TRPC1: variants seen among roughly 807,000 people sequenced by gnomAD.
TRPC1 encodes transient receptor potential cation channel subfamily C member 1, also known as short transient receptor potential channel 1.
Under a neutral mutation model 88.2 loss-of-function variants are expected in TRPC1, and 42 were observed. That is an observed-to-expected ratio of 0.48 (90% CI 0.37 to 0.62). The LOEUF is 0.62. Among genes scored for constraint, TRPC1 ranks in the 20% least tolerant of loss-of-function variants. TRPC1 has a pLI of 0.00. For missense variants in TRPC1, 699 were observed against 957.3 expected (o/e 0.73, Z 3.56); for synonymous variants, 288 against 331.8 (o/e 0.87, Z 1.43).
chr3:142,792,714 T>C lies in TRPC1; in HGVS notation c.1438-110T>C, dbSNP rs952247254. On this transcript the variant is annotated intron_variant, in intron 8 of 12. Coordinates refer to ENST00000476941, the MANE Select transcript of TRPC1 (RefSeq NM_001251845.2). The surrounding 1 kb of genome is among the most constrained non-coding windows in gnomAD (Gnocchi z 4.0). The stretch of plus-strand genomic sequence containing the variant: ...CTATAAAACATAAGTGGAGATCCCC[T>C]ATAAGAAGACAAAATTAAAATGGCT... 2.7e-5 allele frequency: 30 copies of C among 1,102,978 alleles called. No homozygotes were observed. Among genetic ancestry groups the C allele is most frequent in the Non-Finnish European group, 3.3e-5 (27 of 812,322 alleles). The allele number at this position is 1,102,978 out of a possible 1,614,324, so 68.3% of individuals were successfully genotyped here.
chr3:142,776,705 C>T lies in TRPC1; in HGVS notation c.633-927C>T, dbSNP rs1256059794. ...GGATCACAAGGTCAGGAGATCGAGA[C>T]GATCCTGGCCAACATGGTGAAACCC... On this transcript the variant is annotated intron_variant, in intron 4 of 12. Coordinates refer to ENST00000476941, the MANE Select transcript of TRPC1 (RefSeq NM_001251845.2). This position sits in a 1 kb window ranked among gnomAD's most constrained non-coding sequence, Gnocchi z 4.1. Among the ~76,000 whole-genome samples the T allele has an allele frequency of 2.7e-5, 4 of 150,470 alleles. No homozygotes were observed. Among genetic ancestry groups the T allele is most frequent in the African/African-American group, 9.8e-5 (4 of 40,956 alleles).
In TRPC1 at chr3:142,724,568, G is replaced by A. The variant is rs529480473; in HGVS notation, c.9G>A (p.Ala3=). 2.1e-4 allele frequency: 324 copies of A among 1,575,606 alleles called. 8 individuals are homozygous for A. In the South Asian group the frequency reaches 3.2e-3, roughly 16 times the overall value. The change falls in exon 1 of 13, where the codon GCG becomes GCA. Residue 3 remains alanine, a synonymous_variant. Coordinates refer to ENST00000476941, the MANE Select transcript of TRPC1 (RefSeq NM_001251845.2). This position sits in a 1 kb window ranked among gnomAD's most constrained non-coding sequence, Gnocchi z 5.6. Reference sequence around the variant, plus strand: ...CCCCTTCATGGGCCGCGATGATGGCGGCCCTGTACCCGAGCACGGACCTCT... The same window carrying A: ...CCCCTTCATGGGCCGCGATGATGGCAGCCCTGTACCCGAGCACGGACCTCT... MM[A]ALYPSTDLSG...
chr3:142,762,986 TC>T (rs1009504963), intron 4 of TRPC1, among the ~76,000 whole-genome samples: 2 of 152,218 alleles, frequency 1.3e-5, no homozygotes, highest in African/African-American at 4.8e-5. Context: ...TTTTCCAAAT[TC>T]CTTTTATTAT....
rs1172515669 is a variant in TRPC1, at chr3:142,784,689, G to A, written c.961-15G>A. The A allele has an allele frequency of 1.9e-6, 3 of 1,596,398 alleles. No homozygotes were observed. Among genetic ancestry groups the A allele is most frequent in the African/African-American group, 1.3e-5 (1 of 74,168 alleles). ...TACTTTTTTTCTTTTTAATGTGTGTGTATGTCCTTTTCAGTTTGTCTCCCA... is the reference window on the plus strand; with the variant it reads ...TACTTTTTTTCTTTTTAATGTGTGTATATGTCCTTTTCAGTTTGTCTCCCA... On this transcript the variant is annotated splice_polypyrimidine_tract_variant and intron_variant, in intron 6 of 12. Transcript: ENST00000476941.
intron 2 of TRPC1, among the ~76,000 whole-genome samples, chr3:142,737,270 A>G (rs1467283177): frequency 6.7e-6 from 1 of 150,340 alleles, no homozygotes; most frequent in African/African-American, 2.4e-5. Context: ...ATCAGGAGAC[A>G]TTCACAGCAG....
At chr3:142,734,299 AAG>A (rs1286289381) in intron 1 of TRPC1, among the ~76,000 whole-genome samples, 6 of 152,212 alleles carry the variant, frequency 3.9e-5, no homozygotes, top group East Asian at 1.9e-4. Context: ...ATAAGAAAAT[AAG>A]AGAGTTGGAA....
At position 142,784,882 on chromosome 3, in the gene TRPC1, T is replaced by G. The variant is rs1936082705; in HGVS notation, c.1139T>G (p.Ile380Ser). 2 of 1,614,150 alleles carry G rather than the reference T, an allele frequency of 1.2e-6. No individual in the cohort carries two copies. The highest frequency in any genetic ancestry group is 1.7e-6 in the Non-Finnish European group (2 of 1,180,008). The change falls in exon 7 of 13, where the codon ATT (isoleucine) becomes AGT (serine). Residue 380 changes from isoleucine (I) to serine (S), a missense_variant. This residue lies in a region of TRPC1 where 426 missense variants were observed against 641.3 expected (regional missense o/e 0.66). Coordinates refer to ENST00000476941, the MANE Select transcript of TRPC1 (RefSeq NM_001251845.2). ...CCCAAATCTCAGTTTGGCAGAATCA[T>G]TCACACACCTTTTATGAAATTTATC... Reference protein sequence around the residue: ...IAPKSQFGRIIHTPFMKFIIH... With the variant: ...IAPKSQFGRISHTPFMKFIIH...
chr3:142,742,457 G>A (rs1049064002), intron 2 of TRPC1, among the ~76,000 whole-genome samples: 1 of 151,956 alleles, frequency 6.6e-6, no homozygotes, highest in East Asian at 1.9e-4. Context: ...TTTTTGAGGT[G>A]CATAGTCCTA....
chr3:142,794,772 C>T (rs1443544729), intron 9 of TRPC1, among the ~76,000 whole-genome samples: 1 of 152,092 alleles, frequency 6.6e-6, no homozygotes. Flanking sequence ...GAAGAATACT[C>T]AGAAGGGTCT....
At chr3:142,798,338 A>G (rs919186580) in intron 9 of TRPC1, among the ~76,000 whole-genome samples, 3 of 152,182 alleles carry the variant, frequency 2.0e-5, no homozygotes, top group Admixed American at 1.3e-4. Flanking sequence ...GGAGCTTACT[A>G]AGACATGGTG....
chr3:142,755,685 A>T (rs1164218380), intron 4 of TRPC1, among the ~76,000 whole-genome samples: 1 of 152,164 alleles, frequency 6.6e-6, no homozygotes, highest in Non-Finnish European at 1.5e-5. Flanking sequence ...GACATAGGGA[A>T]TTACATATTT....
chr3:142,736,284 TTAA>T, intron 1 of TRPC1, 92 bp from the exon 2 acceptor site: 1 of 972,978 alleles, frequency 1.0e-6, no homozygotes, highest in East Asian at 2.9e-5. Context: ...GTTTAGGCTT[TTAA>T]TCTTTTAATT....
chr3:142,759,252 C>T (rs1935093706), intron 4 of TRPC1, among the ~76,000 whole-genome samples: 1 of 152,212 alleles, frequency 6.6e-6, no homozygotes, highest in African/African-American at 2.4e-5. Flanking sequence ...AATCACCACA[C>T]TGTCTTTCAC....
At chr3:142,725,982 A>T (rs773215078) in intron 1 of TRPC1, among the ~76,000 whole-genome samples, 1 of 152,200 alleles carries the variant, frequency 6.6e-6, no homozygotes. Flanking sequence ...TAATATTGTT[A>T]AAGTACACCA....
At position 142,755,282 on chromosome 3, in the gene TRPC1, G is replaced by A. The variant is rs144965742; in HGVS notation, c.632+6822G>A. Among the ~76,000 whole-genome samples the A allele has an allele frequency of 2.1e-4, 32 of 152,194 alleles. No homozygotes were observed. The East Asian group carries it at 5.0e-3, about 24-fold the overall frequency. ...TACTACAAATACAAAAATATTAGCC[G>A]GGTGTGGTGGCAGGCACCTGTAATC... On this transcript the variant is annotated intron_variant, in intron 4 of 12. Transcript: ENST00000476941.
chr3:142,724,339 G>A lies in TRPC1; in HGVS notation c.-221G>A, dbSNP rs1164997191. On this transcript the variant is annotated 5_prime_UTR_variant, in exon 1 of 13. Coordinates refer to ENST00000476941, the MANE Select transcript of TRPC1 (RefSeq NM_001251845.2). This position sits in a 1 kb window ranked among gnomAD's most constrained non-coding sequence, Gnocchi z 5.6. The stretch of plus-strand genomic sequence containing the variant: ...CTGGGGAGGGGTCGCTGGCCCCGGG[G>A]CCGCGCATGCGCCGCCACCAACTTG... 1 of 353,062 alleles carries A rather than the reference G, an allele frequency of 2.8e-6. No homozygotes were observed. 21.9% of individuals were successfully genotyped at this position (353,062 alleles called of 1,614,324 possible).
Position 142,780,818 on chromosome 3 carries a change from A to G in TRPC1, c.765-16A>G. On this transcript the variant is annotated splice_polypyrimidine_tract_variant and intron_variant, in intron 5 of 12. Coordinates refer to ENST00000476941, the MANE Select transcript of TRPC1 (RefSeq NM_001251845.2). Reference sequence around the variant, plus strand: ...TGGAAACGACGTTTCTGATAATAGAATGCTGCATTTTATAGGAATGATTAT... The same window carrying G: ...TGGAAACGACGTTTCTGATAATAGAGTGCTGCATTTTATAGGAATGATTAT... The G allele has an allele frequency of 6.3e-7, 1 of 1,582,830 alleles. No individual in the cohort carries two copies.
At chr3:142,731,552 T>G (rs1365186670) in intron 1 of TRPC1, among the ~76,000 whole-genome samples, 2 of 151,744 alleles carry the variant, frequency 1.3e-5, no homozygotes, top group African/African-American at 4.8e-5. Context: ...GCCCGGCTAA[T>G]TTTTTGTATT....
intron 2 of TRPC1, among the ~76,000 whole-genome samples, chr3:142,736,895 G>A (rs2108021971): frequency 6.6e-6 from 1 of 151,996 alleles, no homozygotes; most frequent in South Asian, 2.1e-4. Context: ...AGTGTCAGAG[G>A]AATAGTTTTT....
Sources: gnomAD v4.1 joint callset for allele counts (sites outside exome capture counted in the v4.1 genomes callset) on GRCh38, gnomAD v4.1.1 for gene constraint, gnomAD v4.1.1 regional missense constraint, Gnocchi (gnomAD v3.1) non-coding constraint, MANE v1.5 for transcripts, NCBI Gene and HGNC (gene_info 2026-07-23, HGNC 2026-07-21) for gene names.